Variants in FHOD3 observed in about 807,000 individuals in gnomAD.
FHOD3 encodes FH1/FH2 domain-containing protein 3.
Under a neutral mutation model 173.0 loss-of-function variants are expected in FHOD3, and 90 were observed. The ratio of observed to expected loss-of-function variants is 0.52; its 90% CI spans 0.44 to 0.62. The LOEUF (loss-of-function observed/expected upper bound fraction) is 0.62, where lower values mean the gene tolerates loss of function less well. Among genes scored for constraint, FHOD3 ranks in the 20% least tolerant of loss-of-function variants. The pLI is 0.00. For synonymous variants in FHOD3, 828 were observed against 823.0 expected (o/e 1.01, Z -0.10); for missense variants, 1,945 against 2,034.7 (o/e 0.96, Z 0.85).
intron 1 of FHOD3, among the ~76,000 whole-genome samples, chr18:36,314,140 CTTGT>C (rs2092314012): frequency 6.6e-6 from 1 of 152,252 alleles, no homozygotes; most frequent in Non-Finnish European, 1.5e-5. Context: ...ATTTAGATAT[CTTGT>C]TTGTTCTTAA....
At chr18:36,700,242 C>T (rs760294951) in intron 17 of FHOD3, among the ~76,000 whole-genome samples, 14 of 152,068 alleles carry the variant, frequency 9.2e-5, no homozygotes, top group Admixed American at 1.3e-4. Flanking sequence ...GCCTTGGCCT[C>T]CCTGAGCTCA....
chr18:36,760,715 C>T lies in FHOD3; in HGVS notation c.4557C>T (p.Thr1519=), dbSNP rs759666379. ...AGAACATGAAGGCTGTGCTGAAAAC[C>T]TCGTCCCCCTCCGTGGAGGACGCCA... is the stretch of plus-strand genomic sequence containing the variant. The part of the protein sequence containing the change: ...EHENMKAVLK[T]SSPSVEDATP... Residue 1519 remains threonine (T), a synonymous_variant, in exon 27 of 29, where the codon ACC becomes ACT. Coordinates refer to ENST00000590592, the MANE Select transcript of FHOD3 (RefSeq NM_001281740.3). 2.5e-6 allele frequency: 4 copies of T among 1,613,110 alleles called. No individual in the cohort carries two copies. The African/African-American group carries it at 4.0e-5, about 16-fold the overall frequency.
At chr18:36,770,709 A>G (rs368890544) in intron 28 of FHOD3, among the ~76,000 whole-genome samples, 38 of 152,260 alleles carry the variant, frequency 2.5e-4, no homozygotes, top group African/African-American at 7.9e-4. Context: ...TGTGAGTAAC[A>G]AGGCTCTTGA....
rs145259463 is a variant in FHOD3, at chr18:36,650,910, C to T, written c.1286+1505C>T. On this transcript the variant is annotated intron_variant, in intron 11 of 28. Transcript: ENST00000590592. ...AGTCTCTGACTCCACAAAGTGATGC[C>T]AGAGGGCATCCTTTACCAGAGACCA... 1.2e-4 allele frequency among the ~76,000 whole-genome samples: 18 copies of T among 152,296 alleles called. No homozygotes were observed. The East Asian group carries it at 2.9e-3, about 24-fold the overall frequency.
At chr18:36,671,207 C>T (rs2037512718) in intron 14 of FHOD3, among the ~76,000 whole-genome samples, 1 of 152,238 alleles carries the variant, frequency 6.6e-6, no homozygotes, top group East Asian at 1.9e-4. Flanking sequence ...GTGTTATCCC[C>T]ATTGGCCTCT....
At chr18:36,737,086 C>A (rs2041673032) in intron 20 of FHOD3, among the ~76,000 whole-genome samples, 1 of 152,190 alleles carries the variant, frequency 6.6e-6, no homozygotes, top group African/African-American at 2.4e-5. Context: ...CTTTAACCTG[C>A]CCTTCCACTG....
At chr18:36,496,744 T>C (rs1212072994) in intron 3 of FHOD3, among the ~76,000 whole-genome samples, 2 of 152,202 alleles carry the variant, frequency 1.3e-5, no homozygotes, top group Non-Finnish European at 2.9e-5. Flanking sequence ...ATGCATAACA[T>C]TTGTTAAAAT....
intron 8 of FHOD3, among the ~76,000 whole-genome samples, chr18:36,604,060 G>A (rs117797028): frequency 2.0e-5 from 3 of 152,130 alleles, no homozygotes; most frequent in Non-Finnish European, 2.9e-5. Flanking sequence ...CTTGGTCCTT[G>A]GTGCTCTTCC....
chr18:36,707,939 G>A (rs762595609), intron 17 of FHOD3, among the ~76,000 whole-genome samples: 16 of 152,168 alleles, frequency 1.1e-4, no homozygotes, highest in Non-Finnish European at 1.9e-4. Context: ...TGCTCAGCCT[G>A]AGGGCAGTTC....
chr18:36,552,849 C>T (rs969577360), intron 5 of FHOD3, among the ~76,000 whole-genome samples: 3 of 152,142 alleles, frequency 2.0e-5, no homozygotes, highest in African/African-American at 7.2e-5. Context: ...GAACTTCCAA[C>T]ACTATGTTGA....
At chr18:36,637,995 T>G (rs574187453) in intron 10 of FHOD3, among the ~76,000 whole-genome samples, 39 of 150,164 alleles carry the variant, frequency 2.6e-4, no homozygotes, top group African/African-American at 9.1e-4. Flanking sequence ...GAATAATATG[T>G]TTTTTTTAAA....
At chr18:36,483,156 A>T (rs1012709292) in intron 3 of FHOD3, among the ~76,000 whole-genome samples, 2 of 152,102 alleles carry the variant, frequency 1.3e-5, no homozygotes, top group Admixed American at 6.5e-5. Flanking sequence ...ATTTTGCCAG[A>T]TGGTTTGACC....
chr18:36,514,678 A>G (rs913969900), intron 5 of FHOD3, among the ~76,000 whole-genome samples: 11 of 152,226 alleles, frequency 7.2e-5, no homozygotes, highest in African/African-American at 1.9e-4. Context: ...AGCTAATATT[A>G]TAACCATCTT....
intron 3 of FHOD3, among the ~76,000 whole-genome samples, chr18:36,427,540 C>G (rs756500589): frequency 2.0e-5 from 3 of 152,230 alleles, no homozygotes; most frequent in Non-Finnish European, 4.4e-5. Flanking sequence ...GGGAAGACTT[C>G]TCCAGATCCC....
Position 36,755,308 on chromosome 18 carries a change from C to T in FHOD3, c.4422C>T (p.Thr1474=), listed in dbSNP as rs143946715. 256 of 1,559,548 alleles carry T rather than the reference C, an allele frequency of 1.6e-4. No individual in the cohort carries two copies. The highest frequency in any genetic ancestry group is 3.4e-4 in the Middle Eastern group (2 of 5,884). ...ERNKTRGKMI[T]DTDEEEEVES... is the part of the protein sequence containing the mutation. Reference sequence around the variant, plus strand: ...ATAAGACCAGAGGGAAGATGATCACCGATGTAAGTTTCACACAATCCCTCT... The same window carrying T: ...ATAAGACCAGAGGGAAGATGATCACTGATGTAAGTTTCACACAATCCCTCT... Residue 1474 remains threonine (T), a synonymous_variant, in exon 25 of 29, where the codon ACC becomes ACT. Transcript: ENST00000590592.
In FHOD3 at chr18:36,760,679, G is replaced by C. The variant is rs1404286857; in HGVS notation, c.4521G>C (p.Ala1507=). ...QPQGLSYAED[A]AEHENMKAVL... ...AGGGTCTGAGCTATGCGGAGGACGCGGCTGAGCACGAGAACATGAAGGCTG... is the reference window on the plus strand; with the variant it reads ...AGGGTCTGAGCTATGCGGAGGACGCCGCTGAGCACGAGAACATGAAGGCTG... Residue 1507 remains alanine (A), a synonymous_variant, in exon 27 of 29, where the codon GCG becomes GCC. Coordinates refer to ENST00000590592, the MANE Select transcript of FHOD3 (RefSeq NM_001281740.3). The C allele has an allele frequency of 1.9e-6, 3 of 1,613,180 alleles. No homozygotes were observed. In the African/African-American group the frequency reaches 4.0e-5, roughly 22 times the overall value.
At chr18:36,758,533 C>T (rs1033468549) in intron 25 of FHOD3, among the ~76,000 whole-genome samples, 6 of 152,168 alleles carry the variant, frequency 3.9e-5, no homozygotes, top group East Asian at 1.9e-4. Context: ...AATGTGAACA[C>T]GCTGCTGGAG....
rs1001987136 is a variant in FHOD3 at position 36,740,692 on chromosome 18, C to G, written c.3613C>G (p.Gln1205Glu). Reference protein sequence around the residue: ...LTMIPTDEEKQKIQEAQLANP... With the variant: ...LTMIPTDEEKEKIQEAQLANP... ...GATGATTCCCACCGATGAGGAGAAG[C>G]AGAAAATCCAGGAAGCTCAGCTGGC... Residue 1205 changes from glutamine (Q) to glutamate (E), a missense_variant, in exon 21 of 29, where the codon CAG (glutamine) becomes GAG (glutamate). Physicochemically the swap from Gln to Glu is conservative, Grantham distance 29. This residue lies in a region of FHOD3 where 231 missense variants were observed against 321.9 expected (regional missense o/e 0.72). Transcript: ENST00000590592. The G allele has an allele frequency of 1.8e-5, 29 of 1,613,790 alleles. No individual in the cohort carries two copies. Among genetic ancestry groups the G allele is most frequent in the Non-Finnish European group, 5.1e-6 (6 of 1,179,974 alleles).
chr18:36,691,651 A>C (rs1223954224), intron 16 of FHOD3, among the ~76,000 whole-genome samples: 2 of 152,208 alleles, frequency 1.3e-5, no homozygotes, highest in Non-Finnish European at 2.9e-5. Flanking sequence ...TTGTGTCTAC[A>C]TATACATGCA....
Sources: allele counts gnomAD v4.1 joint callset (sites outside exome capture counted in the v4.1 genomes callset), GRCh38; gene constraint gnomAD v4.1.1; regional missense constraint gnomAD v4.1.1; transcripts MANE v1.5; gene names NCBI Gene and HGNC (gene_info 2026-07-23, HGNC 2026-07-21).